The following ARHGEF3 variants were observed in gnomAD, a reference collection of about 807,000 sequenced individuals.
ARHGEF3 encodes the protein Rho guanine nucleotide exchange factor 3.
In ARHGEF3, 28 loss-of-function variants were observed where a neutral mutation model predicts 63.2. The observed-to-expected ratio is 0.44, with a 90% CI of 0.33 to 0.61. The LOEUF (loss-of-function observed/expected upper bound fraction) is 0.61, where lower values mean the gene tolerates loss of function less well. ARHGEF3 is among the 20% of genes least tolerant of loss of function. The probability of loss-of-function intolerance (pLI) is 0.03; values close to 1 mark genes in which losing one functional copy is unlikely to be tolerated. For synonymous variants in ARHGEF3, 266 were observed against 254.2 expected (o/e 1.05, Z -0.44); for missense variants, 533 against 659.3 (o/e 0.81, Z 2.10).
chr3:56,813,486 C>A (rs1358267228), intron 4 of ARHGEF3, among the ~76,000 whole-genome samples: 4 of 152,182 alleles, frequency 2.6e-5, no homozygotes, highest in Admixed American at 1.3e-4. Flanking sequence ...CCAGTTCTGT[C>A]TCACCGTGTT....
chr3:56,780,303 T>G lies in ARHGEF3; in HGVS notation c.97-6487A>C, dbSNP rs138314518. Among the ~76,000 whole-genome samples the G allele has an allele frequency of 2.2e-4, 34 of 152,360 alleles. No homozygotes were observed. In the East Asian group the frequency reaches 6.2e-3, roughly 28 times the overall value. On this transcript the variant is annotated intron_variant, in intron 1 of 9. Coordinates refer to ENST00000296315, the MANE Select transcript of ARHGEF3 (RefSeq NM_019555.3). ...TCTTTGCCTCTAAGAACAGGTGAGCTTATCTATTCCCTTAATATGAGCATA... is the reference window on the plus strand; with the variant it reads ...TCTTTGCCTCTAAGAACAGGTGAGCGTATCTATTCCCTTAATATGAGCATA...
At chr3:56,947,967 C>A (rs375693902) in intron 3 of ARHGEF3, among the ~76,000 whole-genome samples, 312 of 152,218 alleles carry the variant, frequency 2.0e-3, no homozygotes, top group African/African-American at 7.1e-3. Flanking sequence ...ACTCAGGATT[C>A]AGAAACTCAC....
intron 3 of ARHGEF3, among the ~76,000 whole-genome samples, chr3:56,945,870 G>A (rs1699466824): frequency 1.3e-5 from 2 of 152,156 alleles, no homozygotes; most frequent in East Asian, 1.9e-4. Flanking sequence ...TAACTGGGAG[G>A]CACCCCCCAG....
intron 1 of ARHGEF3, among the ~76,000 whole-genome samples, chr3:56,796,264 A>G (rs2037361341): frequency 6.6e-6 from 1 of 152,212 alleles, no homozygotes; most frequent in Non-Finnish European, 1.5e-5. Context: ...AAACGGTGGC[A>G]TCTGTCCAGG....
At chr3:57,029,695 C>T (rs1317186825) in intron 2 of ARHGEF3, among the ~76,000 whole-genome samples, 2 of 152,146 alleles carry the variant, frequency 1.3e-5, no homozygotes, top group African/African-American at 4.8e-5. Context: ...TCCTGCCATA[C>T]CTAATCATGT....
intron 4 of ARHGEF3, among the ~76,000 whole-genome samples, chr3:56,835,185 G>T (rs2039067232): frequency 6.6e-6 from 1 of 151,692 alleles, no homozygotes; most frequent in African/African-American, 2.4e-5. Flanking sequence ...TTGTTTTGTT[G>T]GTTTTTTGAG....
At chr3:57,059,428 T>C (rs1160220956) in intron 1 of ARHGEF3, among the ~76,000 whole-genome samples, 2 of 148,460 alleles carry the variant, frequency 1.3e-5, no homozygotes, top group Non-Finnish European at 3.0e-5. Flanking sequence ...TGAATTTGTA[T>C]TGGGCCACAT....
intron 2 of ARHGEF3, among the ~76,000 whole-genome samples, chr3:56,974,328 C>T (rs1335839196): frequency 6.6e-6 from 1 of 152,136 alleles, no homozygotes; most frequent in Admixed American, 6.6e-5. Context: ...TTTTCATGCT[C>T]TTCCCTTAAC....
intron 3 of ARHGEF3, among the ~76,000 whole-genome samples, chr3:56,909,362 G>A (rs781564493): frequency 6.6e-5 from 10 of 152,182 alleles, no homozygotes; most frequent in Admixed American, 2.0e-4. Flanking sequence ...CACAAAGTGC[G>A]CATGGAAATA....
intron 4 of ARHGEF3, among the ~76,000 whole-genome samples, chr3:56,848,353 G>A (rs1472515309): frequency 6.6e-6 from 1 of 152,100 alleles, no homozygotes; most frequent in Non-Finnish European, 1.5e-5. Flanking sequence ...TCAACTCTAG[G>A]CTATGCCACA....
At chr3:56,949,619 T>G (rs973507390) in intron 3 of ARHGEF3, among the ~76,000 whole-genome samples, 12 of 151,744 alleles carry the variant, frequency 7.9e-5, no homozygotes, top group Non-Finnish European at 1.3e-4. Flanking sequence ...CACTGCTCAA[T>G]GAAATAAAAG....
intron 3 of ARHGEF3, among the ~76,000 whole-genome samples, chr3:56,939,146 G>T (rs1426092869): frequency 6.6e-6 from 1 of 152,178 alleles, no homozygotes; most frequent in Non-Finnish European, 1.5e-5. Context: ...TGACAGAGAA[G>T]AAAATCCAAT....
chr3:56,999,271 G>A (rs923850003), intron 2 of ARHGEF3, among the ~76,000 whole-genome samples: 3 of 152,048 alleles, frequency 2.0e-5, no homozygotes, highest in East Asian at 3.9e-4. Context: ...GACTGGTCTC[G>A]AACTACTTAC....
At chr3:56,956,084 C>T (rs983147127) in intron 3 of ARHGEF3, among the ~76,000 whole-genome samples, 1 of 152,176 alleles carries the variant, frequency 6.6e-6, no homozygotes, top group East Asian at 1.9e-4. Flanking sequence ...ATGGCCTAAT[C>T]ACCTAACTGA....
intron 7 of ARHGEF3, among the ~76,000 whole-genome samples, chr3:56,737,768 C>A (rs559258275): frequency 6.6e-6 from 1 of 152,148 alleles, no homozygotes; most frequent in East Asian, 1.9e-4. Context: ...GAGGGACTGT[C>A]TTTGAGGATG....
intron 3 of ARHGEF3, among the ~76,000 whole-genome samples, chr3:56,919,864 T>A (rs2108361037): frequency 6.6e-6 from 1 of 152,040 alleles, no homozygotes; most frequent in South Asian, 2.1e-4. Context: ...GGCCTAGAGG[T>A]GGTGAGGTTG....
In ARHGEF3 at chr3:57,065,465, C is replaced by T. The variant is rs1455004356; in HGVS notation, c.-28+13761G>A. Reference sequence around the variant, plus strand: ...AACAGAGCAGGACTCCATCACAAAACAAAAAAAAAAGAAATTACTTGCAAA... The same window carrying T: ...AACAGAGCAGGACTCCATCACAAAATAAAAAAAAAAGAAATTACTTGCAAA... On this transcript the variant is annotated intron_variant, in intron 1 of 12. Transcript: ENST00000338458. Among the ~76,000 whole-genome samples, 5 of 138,378 alleles carry T rather than the reference C, an allele frequency of 3.6e-5. No individual in the cohort carries two copies. In the South Asian group the frequency reaches 9.1e-4, roughly 25 times the overall value. The allele number at this position is 138,378 out of a possible 152,430, so 90.8% of individuals were successfully genotyped here. A position where few individuals can be genotyped will look rare whatever the true frequency, so the allele number is the denominator to read the frequency against.
intron 4 of ARHGEF3, among the ~76,000 whole-genome samples, chr3:56,829,162 G>A (rs1300574140): frequency 6.6e-6 from 1 of 152,106 alleles, no homozygotes; most frequent in Non-Finnish European, 1.5e-5. Flanking sequence ...CTGACCTCAA[G>A]TGATCTTCCC....
At chr3:57,014,469 T>TATAC (rs1702885452) in intron 2 of ARHGEF3, among the ~76,000 whole-genome samples, 1 of 152,322 alleles carries the variant, frequency 6.6e-6, no homozygotes, top group Non-Finnish European at 1.5e-5. Context: ...ATATGTGGTA[T>TATAC]AATTCTATTA....
Sources: allele counts gnomAD v4.1 joint callset (sites outside exome capture counted in the v4.1 genomes callset), GRCh38; gene constraint gnomAD v4.1.1; transcripts MANE v1.5; gene names NCBI Gene and HGNC (gene_info 2026-07-23, HGNC 2026-07-21).